PABPC4: variants seen among roughly 807,000 people sequenced by gnomAD.
PABPC4 encodes the protein poly(A) binding protein cytoplasmic 4.
PABPC4 carries 15 observed loss-of-function variants against 74.5 expected under a neutral mutation model. The ratio of observed to expected loss-of-function variants is 0.20; its 90% CI spans 0.13 to 0.31. The LOEUF (loss-of-function observed/expected upper bound fraction) is 0.31. Among genes scored for constraint, PABPC4 ranks in the 10% least tolerant of loss-of-function variants. The pLI is 1.00. For synonymous variants in PABPC4, 345 were observed against 303.0 expected, an observed-to-expected ratio of 1.14 and a Z score of -1.44; for missense variants, 610 against 853.5, an observed-to-expected ratio of 0.71 and a Z score of 3.55.
chr1:39,571,062 A>C (rs1201036042), intron 3 of PABPC4, 172 bp downstream of exon 3: 3 of 1,496,646 alleles, frequency 2.0e-6, no homozygotes, highest in Admixed American at 2.1e-5. Context: ...TTGGCGAGTC[A>C]AAAGGGCTGC....
chr1:39,575,748 C>T lies in PABPC4; in HGVS notation c.193+11G>A, dbSNP rs1378606873. 3.2e-6 allele frequency: 5 copies of T among 1,582,820 alleles called. No homozygotes were observed. The highest frequency in any genetic ancestry group is 1.7e-5 in the Admixed American group (1 of 58,044). ...GGCTCCCACGCACGTGTGGGCACAG[C>T]TTCTACTCACCGTCGGCCGGCTGCT... On this transcript the variant is annotated intron_variant, in intron 1 of 15. Transcript: ENST00000372858.
chr1:39,562,343 T>TGG lies in PABPC4; in HGVS notation c.1740_1741dup (p.Gln581ProfsTer34). The TGG allele has an allele frequency of 6.2e-7, 1 of 1,613,764 alleles. No homozygotes were observed. The highest frequency in any genetic ancestry group is 8.5e-7 in the Non-Finnish European group (1 of 1,179,856). On this transcript the variant is annotated frameshift_variant, in exon 13 of 16. Transcript: ENST00000372858. LOFTEE classifies it high-confidence loss of function. ...CTCACCCAGCATCTGCTTCTGTTCC[T>TGG]GGGGGGGTGCTGCAGCCAGCATGGA...
chr1:39,569,419 A>G (rs1281447236), intron 5 of PABPC4, 176 bp downstream of exon 5: 1 of 610,506 alleles, frequency 1.6e-6, no homozygotes. Flanking sequence ...GTGCTTTGTA[A>G]ACACCTACAT....
At chr1:39,563,552 T>C in intron 12 of PABPC4, 62 bp downstream of exon 12, 2 of 1,575,660 alleles carry the variant, frequency 1.3e-6, no homozygotes, top group Non-Finnish European at 8.6e-7. Context: ...AAAGCACAGC[T>C]TCTTTTACAT....
intron 1 of PABPC4, 22 bp downstream of exon 1, chr1:39,575,737 T>G (rs756385289): frequency 3.2e-6 from 5 of 1,546,230 alleles, no homozygotes; most frequent in Non-Finnish European, 4.4e-6. Flanking sequence ...CCCACGCACG[T>G]GTGGGCACAG....
intron 8 of PABPC4, 118 bp from the exon 9 acceptor site, chr1:39,564,891 C>T: frequency 1.1e-6 from 1 of 942,800 alleles, no homozygotes. Context: ...TCTTTCTATT[C>T]AAGAGCTGAG....
chr1:39,564,543 CTGG>C lies in PABPC4; in HGVS notation c.1334-4_1334-2del. The C allele has an allele frequency of 6.2e-7, 1 of 1,614,090 alleles. No individual in the cohort carries two copies. Among genetic ancestry groups the C allele is most frequent in the Non-Finnish European group, 8.5e-7 (1 of 1,179,972 alleles). ...ATAGCACTTGGCATTCCTTGGAAGCCTGGTGAAGAGAAAAATTGCACATCATTG... is the reference window on the plus strand; with the variant it reads ...ATAGCACTTGGCATTCCTTGGAAGCCTGAAGAGAAAAATTGCACATCATTG... On this transcript the variant is annotated splice_acceptor_variant and splice_polypyrimidine_tract_variant and intron_variant, in intron 9 of 15. Coordinates refer to ENST00000372858, the MANE Select transcript of PABPC4 (RefSeq NM_001135653.2). LOFTEE classifies it high-confidence loss of function.
intron 12 of PABPC4, chr1:39,563,340 G>A: frequency 2.5e-6 from 1 of 399,178 alleles, no homozygotes; most frequent in Admixed American, 4.3e-5. Flanking sequence ...GGCTCAAACA[G>A]CTGAATGAGC....
intron 12 of PABPC4, chr1:39,563,381 A>G: frequency 1.9e-6 from 1 of 513,834 alleles, no homozygotes; most frequent in Non-Finnish European, 3.4e-6. Context: ...AAGAGGAAGC[A>G]CTGGCTGCCC....
intron 1 of PABPC4, 113 bp from the exon 2 acceptor site, chr1:39,572,699 G>A (rs752745089): frequency 3.6e-5 from 26 of 722,582 alleles, no homozygotes; most frequent in Admixed American, 5.4e-5. Context: ...TTGATAAAAG[G>A]CAACTCTATT....
rs761078290 is a variant in PABPC4, at chr1:39,569,840, G to A, written c.643+23C>T. ...CAGATGGGTCTGGTAGACTGTGAAA[G>A]GAGACAAGGAACCCCAACTTACCAA... On this transcript the variant is annotated intron_variant, in intron 4 of 15. Transcript: ENST00000372858. The A allele has an allele frequency of 3.1e-6, 5 of 1,612,738 alleles. No homozygotes were observed. In the African/African-American group the frequency reaches 4.0e-5, roughly 13 times the overall value.
chr1:39,576,087 A>T lies in PABPC4; in HGVS notation c.-136T>A, dbSNP rs910018898. The T allele has an allele frequency of 1.4e-5, 8 of 587,408 alleles. No homozygotes were observed. Among genetic ancestry groups the T allele is most frequent in the Admixed American group, 3.6e-5 (1 of 27,646 alleles). The allele number at this position is 587,408 out of a possible 1,614,324, so 36.4% of individuals were successfully genotyped here. A position where few individuals can be genotyped will look rare whatever the true frequency, so the allele number is the denominator to read the frequency against. On this transcript the variant is annotated 5_prime_UTR_variant, in exon 1 of 16. Coordinates refer to ENST00000372858, the MANE Select transcript of PABPC4 (RefSeq NM_001135653.2). ...CACCGGCGCGGCGAGGACGAGCTGGAGTCGGCGGGCTTGGAGACGGGACGG... is the reference window on the plus strand; with the variant it reads ...CACCGGCGCGGCGAGGACGAGCTGGTGTCGGCGGGCTTGGAGACGGGACGG...
Position 39,569,919 on chromosome 1 carries a change from T to C in PABPC4, c.587A>G (p.Lys196Arg). 1 of 1,614,068 alleles carries C rather than the reference T, an allele frequency of 6.2e-7. No individual in the cohort carries two copies. ...ATCATCCACCTCTTCCCCAAAGTTTTTGATATAAACATTGGTGAATTCCTT... is the reference window on the plus strand; with the variant it reads ...ATCATCCACCTCTTCCCCAAAGTTTCTGATATAAACATTGGTGAATTCCTT... ...KAKEFTNVYI[K>R]NFGEEVDDES... The change falls in exon 4 of 16, where the codon AAA becomes AGA. Residue 196 changes from lysine to arginine, a missense_variant. Transcript: ENST00000372858.
chr1:39,565,455 A>C lies in PABPC4; in HGVS notation c.973-77T>G, dbSNP rs1456749949. ...GATGGCTTGTGCCTGTAATCCCAGC[A>C]CTTTGGAAGGCTGAGGTGGGAGGGC... On this transcript the variant is annotated intron_variant, in intron 7 of 15. Coordinates refer to ENST00000372858, the MANE Select transcript of PABPC4 (RefSeq NM_001135653.2). The C allele has an allele frequency of 1.3e-5, 19 of 1,467,482 alleles. No homozygotes were observed. In the East Asian group the frequency reaches 3.9e-4, roughly 30 times the overall value. 90.9% of individuals were successfully genotyped at this position (1,467,482 alleles called of 1,614,324 possible).
In PABPC4 at chr1:39,575,749, T is replaced by C. The variant is rs774282727; in HGVS notation, c.193+10A>G. ...GCTCCCACGCACGTGTGGGCACAGC[T>C]TCTACTCACCGTCGGCCGGCTGCTG... On this transcript the variant is annotated intron_variant, in intron 1 of 15. Transcript: ENST00000372858. The C allele has an allele frequency of 3.2e-6, 5 of 1,583,772 alleles. No homozygotes were observed. Among genetic ancestry groups the C allele is most frequent in the Non-Finnish European group, 4.3e-6 (5 of 1,162,906 alleles).
chr1:39,567,588 G>C (rs529654729), intron 7 of PABPC4, 163 bp downstream of exon 7: 7 of 699,904 alleles, frequency 1.0e-5, no homozygotes, highest in Non-Finnish European at 1.6e-5. Context: ...TTAACCTAAT[G>C]AAATGTCATT....
intron 1 of PABPC4, among the ~76,000 whole-genome samples, chr1:39,573,668 A>C (rs1390298589): frequency 6.6e-6 from 1 of 152,072 alleles, no homozygotes; most frequent in Non-Finnish European, 1.5e-5. Context: ...AAAAATACAC[A>C]ATTAGCTGGG....
intron 1 of PABPC4, among the ~76,000 whole-genome samples, chr1:39,574,809 T>C (rs1001360247): frequency 3.3e-5 from 5 of 152,244 alleles, no homozygotes; most frequent in Admixed American, 2.0e-4. Context: ...CCTTTTAATC[T>C]GGAGTCACGT....
chr1:39,564,573 G>A (rs764731597), intron 9 of PABPC4, 31 bp from the exon 10 acceptor site: 53 of 1,613,516 alleles, frequency 3.3e-5, no homozygotes, highest in Non-Finnish European at 4.4e-5. Context: ...ACATCATTGA[G>A]AAGTGATGTG....
Sources: gnomAD v4.1 joint callset for allele counts (sites outside exome capture counted in the v4.1 genomes callset) on GRCh38, gnomAD v4.1.1 for gene constraint, MANE v1.5 for transcripts, NCBI Gene and HGNC (gene_info 2026-07-23, HGNC 2026-07-21) for gene names.